Variants in OPRPN observed in about 807,000 individuals in gnomAD.
The protein encoded by OPRPN is opiorphin prepropeptide.
OPRPN carries 1 observed loss-of-function variant against 2.2 expected under a neutral mutation model. That is an observed-to-expected ratio of 0.45 (90% CI 0.16 to 2.15). OPRPN has a LOEUF of 2.15. Among genes scored for constraint, OPRPN ranks in the 30% most tolerant of loss-of-function variants. OPRPN has a pLI of 0.28. For missense variants in OPRPN, 306 were observed against 297.3 expected (o/e 1.03, Z -0.21); for synonymous variants, 126 against 111.5 (o/e 1.13, Z -0.82).
At chr4:70,407,710 A>G (rs969600005) in intron 2 of OPRPN, among the ~76,000 whole-genome samples, 4 of 152,236 alleles carry the variant, frequency 2.6e-5, no homozygotes, top group Non-Finnish European at 5.9e-5. Context: ...TCAATATTAT[A>G]GACAGGAAGA....
Position 70,409,683 on chromosome 4 carries a change from A to T in OPRPN, c.355A>T (p.Ile119Leu). 6.2e-7 allele frequency: 1 copy of T among 1,613,780 alleles called. No individual in the cohort carries two copies. The highest frequency in any genetic ancestry group is 8.5e-7 in the Non-Finnish European group (1 of 1,179,832). Residue 119 changes from isoleucine (I) to leucine (L), a missense_variant, in exon 3 of 3, where the codon ATA (isoleucine) becomes TTA (leucine). By Grantham distance (5) the Ile-to-Leu change is conservative. Coordinates refer to ENST00000399575, the MANE Select transcript of OPRPN (RefSeq NM_021225.5). ...LRPYYVGPIR[I>L]LKPPFPPIPF... ...ACCTTACTATGTAGGACCTATTAGG[A>T]TATTAAAACCCCCATTTCCTCCTAT...
intron 2 of OPRPN, among the ~76,000 whole-genome samples, chr4:70,401,061 A>G (rs868134807): frequency 3.3e-5 from 5 of 152,032 alleles, no homozygotes; most frequent in African/African-American, 9.7e-5. Flanking sequence ...TCCTACATAA[A>G]GCATCTACCT....
chr4:70,401,185 G>A (rs969077143), intron 2 of OPRPN, among the ~76,000 whole-genome samples: 2 of 151,954 alleles, frequency 1.3e-5, no homozygotes, highest in African/African-American at 4.8e-5. Flanking sequence ...ATTTATATAA[G>A]AAGCAGAGGA....
Position 70,409,834 on chromosome 4 carries a change from C to T in OPRPN, c.506C>T (p.Thr169Ile). 1.9e-6 allele frequency: 3 copies of T among 1,612,622 alleles called. No individual in the cohort carries two copies. The highest frequency in any genetic ancestry group is 2.5e-6 in the Non-Finnish European group (3 of 1,179,116). The part of the protein sequence containing the change: ...TTATATTSTS[T>I]KPTMTISSST... ...GCAACAGCAACCACCAGCACTTCCA[C>T]AAAACCCACAATGACGATCAGCTCC... is the stretch of plus-strand genomic sequence containing the variant. The change falls in exon 3 of 3, where the codon ACA becomes ATA. Residue 169 changes from threonine (T) to isoleucine (I), a missense_variant. By Grantham distance (89) the Thr-to-Ile change is moderately conservative (BLOSUM62 -1). Coordinates refer to ENST00000399575, the MANE Select transcript of OPRPN (RefSeq NM_021225.5).
chr4:70,406,931 A>G (rs773167962), intron 2 of OPRPN, among the ~76,000 whole-genome samples: 15 of 152,124 alleles, frequency 9.9e-5, no homozygotes, highest in Non-Finnish European at 1.9e-4. Context: ...TTCCTTCCTT[A>G]AATAAGAAAG....
At chr4:70,404,899 C>T (rs1461377670) in intron 2 of OPRPN, among the ~76,000 whole-genome samples, 1 of 152,114 alleles carries the variant, frequency 6.6e-6, no homozygotes, top group East Asian at 1.9e-4. Context: ...CACATTAAAT[C>T]GTTTTTGATT....
intron 2 of OPRPN, among the ~76,000 whole-genome samples, chr4:70,400,244 T>C (rs1250417761): frequency 2.0e-5 from 3 of 151,910 alleles, no homozygotes; most frequent in African/African-American, 7.2e-5. Flanking sequence ...GGGATCTTCA[T>C]AGATTAGGTC....
intron 2 of OPRPN, among the ~76,000 whole-genome samples, chr4:70,400,957 A>G (rs144523407): frequency 1.5e-4 from 23 of 152,156 alleles, no homozygotes; most frequent in African/African-American, 4.1e-4. Context: ...GTTGACTAGA[A>G]TACTTCTCAG....
intron 2 of OPRPN, among the ~76,000 whole-genome samples, chr4:70,402,014 T>C (rs1170058415): frequency 6.6e-6 from 1 of 152,008 alleles, no homozygotes; most frequent in Non-Finnish European, 1.5e-5. Flanking sequence ...AAACAGAACA[T>C]AAATAAAATA....
chr4:70,400,465 A>G (rs1732953585), intron 2 of OPRPN, among the ~76,000 whole-genome samples: 1 of 151,520 alleles, frequency 6.6e-6, no homozygotes, highest in Non-Finnish European at 1.5e-5. Context: ...ATAGAAGATT[A>G]TTATACTCCA....
intron 2 of OPRPN, among the ~76,000 whole-genome samples, chr4:70,404,900 G>A (rs372669921): frequency 6.6e-5 from 10 of 151,970 alleles, no homozygotes; most frequent in Non-Finnish European, 8.8e-5. Flanking sequence ...ACATTAAATC[G>A]TTTTTGATTA....
chr4:70,406,474 T>G (rs1733091766), intron 2 of OPRPN, among the ~76,000 whole-genome samples: 1 of 152,264 alleles, frequency 6.6e-6, no homozygotes, highest in Non-Finnish European at 1.5e-5. Context: ...TGGCTGATTT[T>G]ATATTGTATA....
intron 2 of OPRPN, among the ~76,000 whole-genome samples, chr4:70,403,441 CAG>C (rs1733022409): frequency 6.6e-6 from 1 of 152,154 alleles, no homozygotes; most frequent in Non-Finnish European, 1.5e-5. Context: ...TCCCAGTCTA[CAG>C]AGACAGTGAA....
At position 70,401,216 on chromosome 4, in the gene OPRPN, T is replaced by C. The variant is rs17148864; in HGVS notation, c.51+1880T>C. ...GAGGATTCCATGTCCTAAAAAAACATGAGTTTAATACATAAATTTTCTCAT... is the reference window on the plus strand; with the variant it reads ...GAGGATTCCATGTCCTAAAAAAACACGAGTTTAATACATAAATTTTCTCAT... On this transcript the variant is annotated intron_variant, in intron 2 of 2. Coordinates refer to ENST00000399575, the MANE Select transcript of OPRPN (RefSeq NM_021225.5). 9.8e-3 allele frequency among the ~76,000 whole-genome samples: 1,494 copies of C among 152,168 alleles called. 21 individuals are homozygous for C. Among genetic ancestry groups the C allele is most frequent in the Middle Eastern group, 0.051 (15 of 294 alleles).
At position 70,409,459 on chromosome 4, in the gene OPRPN, G is replaced by T; in HGVS notation, c.131G>T (p.Trp44Leu). The change falls in exon 3 of 3, where the codon TGG (tryptophan) becomes TTG (leucine). Residue 44 changes from tryptophan to leucine, a missense_variant. Transcript: ENST00000399575. ...CCACCTCCACTCTACAGGCCAAGAT[G>T]GGTTCCACCAAGTCCCCCACCTCCC... The part of the protein sequence containing the change: ...LPPPPLYRPR[W>L]VPPSPPPPYD... 6.2e-7 allele frequency: 1 copy of T among 1,613,968 alleles called. No individual in the cohort carries two copies. The highest frequency in any genetic ancestry group is 1.1e-5 in the South Asian group (1 of 91,066).
At chr4:70,407,280 T>C (rs1179429890) in intron 2 of OPRPN, among the ~76,000 whole-genome samples, 2 of 152,246 alleles carry the variant, frequency 1.3e-5, no homozygotes, top group Non-Finnish European at 2.9e-5. Flanking sequence ...AGGCCTAAGA[T>C]CCTGGATAGC....
intron 2 of OPRPN, among the ~76,000 whole-genome samples, chr4:70,401,719 G>C (rs777993352): frequency 8.5e-5 from 13 of 152,120 alleles, no homozygotes; most frequent in Non-Finnish European, 1.3e-4. Flanking sequence ...CCATTGGATA[G>C]GCTATATGAA....
chr4:70,402,598 G>A (rs542652919), intron 2 of OPRPN, among the ~76,000 whole-genome samples: 16 of 152,138 alleles, frequency 1.1e-4, no homozygotes, highest in South Asian at 4.2e-4. Flanking sequence ...ACCTCATGGA[G>A]CTTATATTCT....
In OPRPN at chr4:70,410,117, A is replaced by G. The variant is rs1404923578; in HGVS notation, c.*42A>G. On this transcript the variant is annotated 3_prime_UTR_variant, in exon 3 of 3. Transcript: ENST00000399575. The stretch of plus-strand genomic sequence containing the variant: ...ATTTTCCAAACTGCTCTGATATCTT[A>G]GAAGAAATAAACTGCAATGATTTTG... The G allele has an allele frequency of 7.0e-7, 1 of 1,418,906 alleles. No homozygotes were observed. Among genetic ancestry groups the G allele is most frequent in the African/African-American group, 1.4e-5 (1 of 69,624 alleles). The allele number at this position is 1,418,906 out of a possible 1,614,324, so 87.9% of individuals were successfully genotyped here. A position where few individuals can be genotyped will look rare whatever the true frequency, so the allele number is the denominator to read the frequency against.
Sources: allele counts gnomAD v4.1 joint callset (sites outside exome capture counted in the v4.1 genomes callset), GRCh38; gene constraint gnomAD v4.1.1; transcripts MANE v1.5; gene names NCBI Gene and HGNC (gene_info 2026-07-23, HGNC 2026-07-21).